Variants in TTC5 observed in about 807,000 individuals in gnomAD.
The protein encoded by TTC5 is tetratricopeptide repeat domain 5, also known as tetratricopeptide repeat protein 5.
A neutral mutation model predicts 57.4 loss-of-function variants in TTC5; 46 were observed. The observed-to-expected ratio is 0.80, with a 90% confidence interval of 0.63 to 1.03. The LOEUF is 1.03. TTC5 is among the 50% of genes least tolerant of loss of function. The pLI is 0.00. For missense variants in TTC5, 504 were observed against 528.1 expected, an observed-to-expected ratio of 0.95 and a Z score of 0.45; for synonymous variants, 190 against 203.5, an observed-to-expected ratio of 0.93 and a Z score of 0.57.
Position 20,286,407 on chromosome 14 carries a change from T to C in TTC5, c.*3220A>G, listed in dbSNP as rs1025646347. 1 of 152,090 alleles carries C rather than the reference T, an allele frequency of 6.6e-6. No individual in the cohort carries two copies. Among genetic ancestry groups the C allele is most frequent in the Non-Finnish European group, 1.5e-5 (1 of 68,024 alleles). The allele number at this position is 152,090 out of a possible 1,614,324, so 9.4% of individuals were successfully genotyped here. ...TTTATGCCTACTATGTGATATTTTA[T>C]AATCATCTGGTTGGTAAAAATTAAA... is the stretch of plus-strand genomic sequence containing the variant. On this transcript the variant is annotated 3_prime_UTR_variant, in exon 10 of 10. Transcript: ENST00000258821.
chr14:20,296,350 T>C (rs758168099), intron 6 of TTC5, 40 bp downstream of exon 6: 3 of 1,533,358 alleles, frequency 2.0e-6, no homozygotes, highest in Non-Finnish European at 2.7e-6. Flanking sequence ...AGGTGTCTTA[T>C]TTATTTGACC....
intron 9 of TTC5, 32 bp downstream of exon 9, chr14:20,291,951 C>T (rs370695702): frequency 5.9e-6 from 9 of 1,513,786 alleles, no homozygotes; most frequent in Middle Eastern, 1.8e-4. Context: ...TTAGAGCCTA[C>T]GAGTTGTAAG....
At chr14:20,295,679 G>A (rs762214959) in intron 7 of TTC5, 29 bp downstream of exon 7, 4 of 1,544,640 alleles carry the variant, frequency 2.6e-6, no homozygotes, top group Non-Finnish European at 3.5e-6. Context: ...AAAAAAAAAA[G>A]TGGAATTCAG....
At chr14:20,299,176 A>G (rs1016573378) in intron 4 of TTC5, 122 bp downstream of exon 4, 3 of 1,128,892 alleles carry the variant, frequency 2.7e-6, no homozygotes, top group Non-Finnish European at 3.7e-6. Context: ...TGTGTCTTCA[A>G]AACAAAGATG....
chr14:20,292,168 G>T, intron 8 of TTC5, 41 bp from the exon 9 acceptor site: 1 of 1,415,238 alleles, frequency 7.1e-7, no homozygotes, highest in Non-Finnish European at 9.3e-7. Context: ...AAAACAAAAA[G>T]GTATGTGGGT....
At chr14:20,290,450 A>C (rs1361513148) in intron 9 of TTC5, among the ~76,000 whole-genome samples, 1 of 152,228 alleles carries the variant, frequency 6.6e-6, no homozygotes, top group Non-Finnish European at 1.5e-5. Flanking sequence ...TGACACAAAA[A>C]ATGGCAATTT....
intron 3 of TTC5, chr14:20,300,306 T>C (rs1415192565): frequency 3.4e-6 from 1 of 293,702 alleles, no homozygotes; most frequent in African/African-American, 2.2e-5. Flanking sequence ...GCCCTAATTT[T>C]TTCATCTAAA....
chr14:20,304,972 C>T (rs1594268211), intron 1 of TTC5, among the ~76,000 whole-genome samples: 1 of 151,154 alleles, frequency 6.6e-6, no homozygotes, highest in East Asian at 1.9e-4. Context: ...GATTTGTATA[C>T]CTTTTCAGAT....
intron 4 of TTC5, 132 bp downstream of exon 4, chr14:20,299,166 T>C: frequency 2.0e-6 from 2 of 998,706 alleles, no homozygotes; most frequent in South Asian, 3.3e-5. Flanking sequence ...ATGTCTTTCG[T>C]GTGTCTTCAA....
chr14:20,295,265 C>A (rs904953319), intron 8 of TTC5, 47 bp downstream of exon 8: 1 of 1,556,410 alleles, frequency 6.4e-7, no homozygotes, highest in Non-Finnish European at 8.9e-7. Context: ...GAAGTGAGAG[C>A]AATTAGTTCA....
In TTC5 at chr14:20,295,383, A is replaced by C. The variant is rs747853818; in HGVS notation, c.987T>G (p.Pro329=). The part of the protein sequence containing the change: ...LELKPLSTLQ[P]GVNSGAVILG... ...GGATGACGGCACCGCTGTTCACCCC[A>C]GGCTGAAGCGTACTCAGTGGCTTGA... The change falls in exon 8 of 10, where the codon CCT becomes CCG. Residue 329 remains proline, a synonymous_variant. Transcript: ENST00000258821. 2 of 1,614,188 alleles carry C rather than the reference A, an allele frequency of 1.2e-6. No individual in the cohort carries two copies. The highest frequency in any genetic ancestry group is 2.2e-5 in the South Asian group (2 of 91,074).
intron 8 of TTC5, chr14:20,293,202 A>G (rs1228407017): frequency 1.3e-5 from 2 of 152,254 alleles, no homozygotes; most frequent in African/African-American, 4.8e-5. Context: ...TAAGTAAAAT[A>G]AAATATTAAT....
rs747303327 is a variant in TTC5, at chr14:20,291,978, C to T, written c.1203+5G>A. ...AGTTGTAAGAGAATCCTAGCCATTGCTCACCTTTCCTTTGTGCTGAATTCG... is the reference window on the plus strand; with the variant it reads ...AGTTGTAAGAGAATCCTAGCCATTGTTCACCTTTCCTTTGTGCTGAATTCG... On this transcript the variant is annotated splice_donor_5th_base_variant and intron_variant, in intron 9 of 9. Coordinates refer to ENST00000258821, the MANE Select transcript of TTC5 (RefSeq NM_138376.3). 2 of 1,565,032 alleles carry T rather than the reference C, an allele frequency of 1.3e-6. No individual in the cohort carries two copies. The highest frequency in any genetic ancestry group is 1.2e-5 in the South Asian group (1 of 81,704).
Position 20,292,059 on chromosome 14 carries a change from C to T in TTC5, c.1127G>A (p.Trp376Ter), listed in dbSNP as rs765359398. The change falls in exon 9 of 10, where the codon TGG (tryptophan) becomes TAG (stop). Residue 376 changes from tryptophan (W) to a stop codon, truncating the protein, a stop_gained. Transcript: ENST00000258821. LOFTEE classifies it high-confidence loss of function. ...TACAGAGTCTCCAATGAGCACTCCCCAGCTCTGCACTATATTGTACACCAT... is the reference window on the plus strand; with the variant it reads ...TACAGAGTCTCCAATGAGCACTCCCTAGCTCTGCACTATATTGTACACCAT... ...AVMVYNIVQS[W>*]GVLIGDSVAI... 3 of 1,602,562 alleles carry T rather than the reference C, an allele frequency of 1.9e-6. No individual in the cohort carries two copies. The highest frequency in any genetic ancestry group is 2.6e-6 in the Non-Finnish European group (3 of 1,174,566).
intron 2 of TTC5, among the ~76,000 whole-genome samples, chr14:20,301,187 A>C (rs1310404018): frequency 6.6e-6 from 1 of 152,230 alleles, no homozygotes; most frequent in African/African-American, 2.4e-5. Context: ...TAACAAGTGA[A>C]GAGAAGATGA....
At position 20,286,355 on chromosome 14, in the gene TTC5, G is replaced by T. The variant is rs112667822; in HGVS notation, c.*3272C>A. On this transcript the variant is annotated 3_prime_UTR_variant, in exon 10 of 10. Transcript: ENST00000258821. The stretch of plus-strand genomic sequence containing the variant: ...AGAAAACAGAGATTTCATAGAAAAA[G>T]AAACAGGAATGGACAAAGAAATGTA... 151 of 152,088 alleles carry T rather than the reference G, an allele frequency of 9.9e-4. 1 individual carries two copies. The highest frequency in any genetic ancestry group is 3.6e-3 in the African/African-American group (149 of 41,506). 9.4% of individuals were successfully genotyped at this position (152,088 alleles called of 1,614,324 possible). A position where few individuals can be genotyped will look rare whatever the true frequency, so the allele number is the denominator to read the frequency against.
At chr14:20,291,309 T>C (rs1042007079) in intron 9 of TTC5, among the ~76,000 whole-genome samples, 1 of 152,158 alleles carries the variant, frequency 6.6e-6, no homozygotes, top group Non-Finnish European at 1.5e-5. Flanking sequence ...CCTCCCACCT[T>C]GGCCTTCCAA....
intron 3 of TTC5, among the ~76,000 whole-genome samples, chr14:20,299,751 C>T (rs905068152): frequency 6.6e-6 from 1 of 152,064 alleles, no homozygotes; most frequent in African/African-American, 2.4e-5. Flanking sequence ...CTGAGTTTCA[C>T]CATGTTGGCC....
Position 20,300,766 on chromosome 14 carries a change from A to G in TTC5, c.237T>C (p.Asn79=). The change falls in exon 3 of 10, where the codon AAT becomes AAC. Residue 79 remains asparagine, a synonymous_variant. Coordinates refer to ENST00000258821, the MANE Select transcript of TTC5 (RefSeq NM_138376.3). ...QVLMLTGKAL[N]VTPDYSPKAE... is the part of the protein sequence containing the mutation. ...CCTTAGGGCTATAGTCAGGAGTCAC[A>G]TTTAGTGCTTTCCCAGTTAGCATTA... is the stretch of plus-strand genomic sequence containing the variant. The G allele has an allele frequency of 6.2e-7, 1 of 1,614,194 alleles. No individual in the cohort carries two copies. The highest frequency in any genetic ancestry group is 2.2e-5 in the East Asian group (1 of 44,884).
Sources: gnomAD v4.1 joint callset for allele counts (sites outside exome capture counted in the v4.1 genomes callset) on GRCh38, gnomAD v4.1.1 for gene constraint, MANE v1.5 for transcripts, NCBI Gene and HGNC (gene_info 2026-07-23, HGNC 2026-07-21) for gene names.